SLU7: variants seen among roughly 807,000 people sequenced by gnomAD.
SLU7 encodes spliceosome associated SLU7, also known as pre-mRNA-splicing factor SLU7.
SLU7 carries 60 observed loss-of-function variants against 87.0 expected under a neutral mutation model. The observed-to-expected ratio is 0.69, with a 90% CI of 0.56 to 0.86. The LOEUF is 0.86. Ranked by LOEUF, SLU7 falls within the 40% of genes least tolerant of loss-of-function variation. The pLI is 0.00. For synonymous variants in SLU7, 197 were observed against 222.0 expected (o/e 0.89, Z 1.00); for missense variants, 507 against 686.6 (o/e 0.74, Z 2.92).
rs1274364068 is a variant in SLU7, at chr5:160,404,798, T to C, written c.1464+11A>G. On this transcript the variant is annotated intron_variant, in intron 14 of 15. Transcript: ENST00000297151. ...GACTTAAAAATTCAGGACAAATGAT[T>C]ATCAACTTACCTCCATGAGGGTTTG... 10 of 1,588,830 alleles carry C rather than the reference T, an allele frequency of 6.3e-6. No individual in the cohort carries two copies. Among genetic ancestry groups the C allele is most frequent in the Non-Finnish European group, 8.6e-6 (10 of 1,157,150 alleles).
intron 8 of SLU7, 64 bp downstream of exon 8, chr5:160,408,265 G>T: frequency 6.6e-7 from 1 of 1,522,958 alleles, no homozygotes; most frequent in Non-Finnish European, 9.0e-7. Flanking sequence ...ACCCAGAGTC[G>T]ATAAAATTTA....
At chr5:160,416,417 T>G (rs976773770) in intron 1 of SLU7, among the ~76,000 whole-genome samples, 2 of 152,226 alleles carry the variant, frequency 1.3e-5, no homozygotes, top group African/African-American at 4.8e-5. Flanking sequence ...ATTTTTCTAT[T>G]CAAGACTTTT....
Position 160,404,538 on chromosome 5 carries a change from T to C in SLU7, c.1483A>G (p.Lys495Glu). Residue 495 changes from lysine (K) to glutamate (E), a missense_variant, in exon 15 of 16, where the codon AAA becomes GAA. Physicochemically the swap from Lys to Glu is moderately conservative, Grantham distance 56 (BLOSUM62 1). This residue lies in a region of SLU7 where 201 missense variants were observed against 213.4 expected (regional missense o/e 0.94). Transcript: ENST00000297151. ...TLMELHQEKL[K>E]EEKKKKKKKK... The stretch of plus-strand genomic sequence containing the variant: ...TTTTTCTTCTTCTTCTTTTCCTCTT[T>C]CAGTTTTTCTTGATGCAGCTGAAAG... 1 of 1,606,224 alleles carries C rather than the reference T, an allele frequency of 6.2e-7. No homozygotes were observed. The highest frequency in any genetic ancestry group is 1.1e-5 in the South Asian group (1 of 90,896).
rs1219136597 is a variant in SLU7, at chr5:160,408,474, A to C, written c.688-14T>G. On this transcript the variant is annotated splice_polypyrimidine_tract_variant and intron_variant, in intron 7 of 15. Coordinates refer to ENST00000297151, the MANE Select transcript of SLU7 (RefSeq NM_006425.5). The stretch of plus-strand genomic sequence containing the variant: ...ATGATCTTTTTCCTAAAAGAGGGAG[A>C]GGAAGGAAAAGTAAGAAGAAAAGAA... The C allele has an allele frequency of 1.9e-6, 3 of 1,577,392 alleles. No homozygotes were observed. Among genetic ancestry groups the C allele is most frequent in the Non-Finnish European group, 2.6e-6 (3 of 1,161,684 alleles).
In SLU7 at chr5:160,401,932, T is replaced by G. The variant is rs1764798729; in HGVS notation, c.*1353A>C. The G allele has an allele frequency of 6.6e-6, 1 of 152,210 alleles. No individual in the cohort carries two copies. The highest frequency in any genetic ancestry group is 2.1e-4 in the South Asian group (1 of 4,834). 9.4% of individuals were successfully genotyped at this position (152,210 alleles called of 1,614,324 possible). A position where few individuals can be genotyped will look rare whatever the true frequency, so the allele number is the denominator to read the frequency against. On this transcript the variant is annotated 3_prime_UTR_variant, in exon 16 of 16. Coordinates refer to ENST00000297151, the MANE Select transcript of SLU7 (RefSeq NM_006425.5). The stretch of plus-strand genomic sequence containing the variant: ...ATCCTACAGGTGGTTTTTGGTAGTT[T>G]AGAAAAGCCAGTGAGTGGGCTGTTA...
intron 15 of SLU7, among the ~76,000 whole-genome samples, chr5:160,404,028 G>A (rs890897414): frequency 4.6e-5 from 7 of 152,116 alleles, no homozygotes; most frequent in Admixed American, 4.6e-4. Context: ...AAATGCATTT[G>A]GAGACAGGAC....
At chr5:160,410,051 C>T (rs1228461590) in intron 6 of SLU7, among the ~76,000 whole-genome samples, 2 of 152,154 alleles carry the variant, frequency 1.3e-5, no homozygotes, top group South Asian at 2.1e-4. Flanking sequence ...ACAGAAAACA[C>T]GTTCCCACTG....
chr5:160,409,141 G>A (rs917440602), intron 6 of SLU7, among the ~76,000 whole-genome samples: 5 of 151,968 alleles, frequency 3.3e-5, no homozygotes, highest in African/African-American at 7.2e-5. Flanking sequence ...CAGACATACT[G>A]TATTCATTAA....
Position 160,403,260 on chromosome 5 carries a change from T to C in SLU7, c.*25A>G. ...GAAAAGAATGTATCAGCTGCATCTA[T>C]CTTGGATGGTCTTCTGACTAGTTGC... On this transcript the variant is annotated 3_prime_UTR_variant, in exon 16 of 16. Coordinates refer to ENST00000297151, the MANE Select transcript of SLU7 (RefSeq NM_006425.5). The C allele has an allele frequency of 1.3e-6, 2 of 1,543,666 alleles. No individual in the cohort carries two copies. Among genetic ancestry groups the C allele is most frequent in the Middle Eastern group, 1.7e-4 (1 of 5,826 alleles).
At position 160,407,471 on chromosome 5, in the gene SLU7, AT is replaced by A; in HGVS notation, c.1125+4del. 1 of 1,602,304 alleles carries A rather than the reference AT, an allele frequency of 6.2e-7. No homozygotes were observed. The highest frequency in any genetic ancestry group is 8.5e-7 in the Non-Finnish European group (1 of 1,176,586). ...GTTCTTCTTTAGCATTTTGGTCAAA[AT>A]TACCTTTTCCAGGATGCTTTCTTTC... On this transcript the variant is annotated splice_donor_region_variant and intron_variant, in intron 11 of 15. Transcript: ENST00000297151. The surrounding 1 kb of genome is among the most constrained non-coding windows in gnomAD (Gnocchi z 4.2).
At chr5:160,403,625 C>T (rs1250387317) in intron 15 of SLU7, among the ~76,000 whole-genome samples, 161 bp from the exon 16 acceptor site, 4 of 152,232 alleles carry the variant, frequency 2.6e-5, no homozygotes, top group Admixed American at 2.6e-4. Flanking sequence ...TGTCAAGCTA[C>T]AACTAATCAC....
chr5:160,413,967 T>C lies in SLU7; in HGVS notation c.337A>G (p.Thr113Ala), dbSNP rs1446660663. The change falls in exon 4 of 16, where the codon ACT (threonine) becomes GCT (alanine). Residue 113 changes from threonine (T) to alanine (A), a missense_variant. Thr to Ala is a moderately conservative substitution (Grantham distance 58). Coordinates refer to ENST00000297151, the MANE Select transcript of SLU7 (RefSeq NM_006425.5). ...TCACATGCTCCTTTGCGGTACTTAG[T>C]AATTATGGAATTCTATAAATATATA... ...KRGVKENSIITKYRKGACENC... is the reference protein window; with the variant it reads ...KRGVKENSIIAKYRKGACENC... 1.3e-6 allele frequency: 2 copies of C among 1,576,168 alleles called. No homozygotes were observed. Among genetic ancestry groups the C allele is most frequent in the Non-Finnish European group, 1.7e-6 (2 of 1,160,978 alleles).
intron 14 of SLU7, 80 bp downstream of exon 14, chr5:160,404,729 G>GA (rs796245509): frequency 0.12 from 82,426 of 687,680 alleles, 3 homozygotes; most frequent in South Asian, 0.17. Flanking sequence ...TGTTTCAAAA[G>GA]AAAAAAAAAA....
intron 6 of SLU7, among the ~76,000 whole-genome samples, chr5:160,412,030 A>G (rs965055846): frequency 3.3e-5 from 5 of 152,232 alleles, no homozygotes; most frequent in Non-Finnish European, 7.3e-5. Context: ...TGAAGTCTTG[A>G]GAAATGCCAT....
chr5:160,405,517 C>T (rs927699668), intron 12 of SLU7, among the ~76,000 whole-genome samples: 2 of 152,196 alleles, frequency 1.3e-5, no homozygotes, highest in Non-Finnish European at 2.9e-5. Context: ...GCTCACTTCA[C>T]TCATGTATGA....
chr5:160,407,358 A>C lies in SLU7; in HGVS notation c.1125+118T>G. The C allele has an allele frequency of 1.2e-6, 1 of 841,096 alleles. No homozygotes were observed. Among genetic ancestry groups the C allele is most frequent in the Non-Finnish European group, 1.8e-6 (1 of 553,914 alleles). The allele number at this position is 841,096 out of a possible 1,614,324, so 52.1% of individuals were successfully genotyped here. A position where few individuals can be genotyped will look rare whatever the true frequency, so the allele number is the denominator to read the frequency against. On this transcript the variant is annotated intron_variant, in intron 11 of 15. Coordinates refer to ENST00000297151, the MANE Select transcript of SLU7 (RefSeq NM_006425.5). The surrounding 1 kb of genome is among the most constrained non-coding windows in gnomAD (Gnocchi z 4.2). ...ACTAAGAGAAAGGAAGAAAAGGACT[A>C]TTCTTCATGGATTAAGAGGGCTCTC...
chr5:160,409,404 A>C, intron 6 of SLU7, among the ~76,000 whole-genome samples: 1 of 152,188 alleles, frequency 6.6e-6, no homozygotes, highest in Non-Finnish European at 1.5e-5. Flanking sequence ...TCAAAGATTA[A>C]AAATACTTAA....
Position 160,403,300 on chromosome 5 carries a change from A to G in SLU7, c.1746T>C (p.Ser582=), listed in dbSNP as rs1432994073. The change falls in exon 16 of 16, where the codon TCT becomes TCC. Residue 582 remains serine (S), a synonymous_variant. Coordinates refer to ENST00000297151, the MANE Select transcript of SLU7 (RefSeq NM_006425.5). ...TGACTAGTTGCTACTGTCCAAGGAA[A>G]GAGGCCATGGGGTCATCTGGCCTCT... ...KRQRPDDPMA[S]FLGQ 8 of 1,598,884 alleles carry G rather than the reference A, an allele frequency of 5.0e-6. No individual in the cohort carries two copies. In the Admixed American group the frequency reaches 1.2e-4, roughly 24 times the overall value.
At chr5:160,411,595 C>G (rs1019243003) in intron 6 of SLU7, among the ~76,000 whole-genome samples, 2 of 152,168 alleles carry the variant, frequency 1.3e-5, no homozygotes, top group Non-Finnish European at 2.9e-5. Flanking sequence ...AACTCGGTAA[C>G]TGCTTACTTG....
Sources: gnomAD v4.1 joint callset for allele counts (sites outside exome capture counted in the v4.1 genomes callset) on GRCh38, gnomAD v4.1.1 for gene constraint, gnomAD v4.1.1 regional missense constraint, Gnocchi (gnomAD v3.1) non-coding constraint, MANE v1.5 for transcripts, NCBI Gene and HGNC (gene_info 2026-07-23, HGNC 2026-07-21) for gene names.